GREB1: variants seen among roughly 807,000 people sequenced by gnomAD.
The protein encoded by GREB1 is protein GREB1.
Under a neutral mutation model 200.7 loss-of-function variants are expected in GREB1, and 106 were observed. The observed-to-expected ratio is 0.53, with a 90% CI of 0.45 to 0.62. The LOEUF (loss-of-function observed/expected upper bound fraction) is 0.62. Among genes scored for constraint, GREB1 ranks in the 20% least tolerant of loss-of-function variants. The probability of loss-of-function intolerance (pLI) is 0.00; values close to 1 mark genes in which losing one functional copy is unlikely to be tolerated. For missense variants in GREB1, 2,243 were observed against 2,556.8 expected (o/e 0.88, Z 2.65); for synonymous variants, 1,132 against 1,092.4 (o/e 1.04, Z -0.72).
At chr2:11,578,508 C>T in intron 6 of GREB1, 77 bp downstream of exon 6, 5 of 1,457,124 alleles carry the variant, frequency 3.4e-6, no homozygotes, top group South Asian at 2.5e-5. Context: ...GTTGACTATG[C>T]CGTCAAGCAT....
Position 11,557,497 on chromosome 2 carries a change from C to T in GREB1, c.157+726C>T, listed in dbSNP as rs58921396. ...ACAAAAATTAATAAACTAGAATTAA[C>T]GAAGAAAGCACTGAGTGAGCCAGGT... is the stretch of plus-strand genomic sequence containing the variant. On this transcript the variant is annotated intron_variant, in intron 2 of 32. Coordinates refer to ENST00000381486, the MANE Select transcript of GREB1 (RefSeq NM_014668.4). Among the ~76,000 whole-genome samples the T allele has an allele frequency of 3.1e-3, 468 of 152,222 alleles. 1 individual carries two copies. Among genetic ancestry groups the T allele is most frequent in the Admixed American group, 7.3e-3 (112 of 15,284 alleles).
At chr2:11,547,945 G>A (rs907509054) in intron 1 of GREB1, among the ~76,000 whole-genome samples, 27 of 152,162 alleles carry the variant, frequency 1.8e-4, no homozygotes, top group African/African-American at 4.8e-4. Context: ...GCTTTGGGAG[G>A]CCGAGGCGGT....
intron 1 of GREB1, among the ~76,000 whole-genome samples, chr2:11,525,557 T>G (rs577980011): frequency 1.3e-5 from 2 of 151,920 alleles, no homozygotes; most frequent in East Asian, 3.9e-4. Flanking sequence ...GCCTGTTTCC[T>G]TTTGGAATGA....
intron 16 of GREB1, among the ~76,000 whole-genome samples, chr2:11,601,733 G>A (rs116508152): frequency 0.026 from 3,921 of 152,266 alleles, 171 homozygotes; most frequent in African/African-American, 0.088. Context: ...AAAGTGCTTC[G>A]TGCTGTGAGC....
chr2:11,548,259 C>T lies in GREB1; in HGVS notation c.-161-8195C>T, dbSNP rs1572652733. 2.1e-5 allele frequency among the ~76,000 whole-genome samples: 3 copies of T among 142,642 alleles called. No homozygotes were observed. In the East Asian group the frequency reaches 6.1e-4, roughly 29 times the overall value. The allele number at this position is 142,642 out of a possible 152,430, so 93.6% of individuals were successfully genotyped here. On this transcript the variant is annotated intron_variant, in intron 1 of 32. Transcript: ENST00000381486. This position sits in a 1 kb window ranked among gnomAD's most constrained non-coding sequence, Gnocchi z 5.1. ...ATGTGCACATACCCAAACATATGTG[C>T]ACACACATGTACAGCCAGACACATG...
In GREB1 at chr2:11,616,709, C is replaced by T; in HGVS notation, c.3401C>T (p.Ser1134Phe). Residue 1134 changes from serine (S) to phenylalanine (F), a missense_variant, in exon 21 of 33, where the codon TCC becomes TTC. Physicochemically the swap from Ser to Phe is radical, Grantham distance 155 (BLOSUM62 -2). Around this residue, in one of 3 missense-constraint regions of GREB1, gnomAD observed 587 missense variants for 553.1 expected, o/e 1.06. Transcript: ENST00000381486. ...GACTCAGCATCCTCATCCCTCTCCT[C>T]CAAGGCTTCCGGTGAGTCTTCCCAC... ...SHDSASSSLS[S>F]KASGSALGGE... The T allele has an allele frequency of 6.2e-7, 1 of 1,606,650 alleles. No individual in the cohort carries two copies. Among genetic ancestry groups the T allele is most frequent in the Non-Finnish European group, 8.5e-7 (1 of 1,173,190 alleles).
intron 19 of GREB1, 137 bp downstream of exon 19, chr2:11,612,747 C>G (rs1037800704): frequency 1.7e-6 from 1 of 596,102 alleles, no homozygotes; most frequent in Non-Finnish European, 3.0e-6. Flanking sequence ...TGGGTGGGGC[C>G]TTCATCGTGG....
intron 1 of GREB1, among the ~76,000 whole-genome samples, chr2:11,551,824 C>A (rs1321808861): frequency 1.3e-5 from 2 of 152,202 alleles, no homozygotes; most frequent in African/African-American, 2.4e-5. Context: ...ACTCAGCCCT[C>A]CTGGCCTGCT....
chr2:11,491,879 TTC>T (rs1672780861), intron 1 of GREB1, among the ~76,000 whole-genome samples: 1 of 152,192 alleles, frequency 6.6e-6, no homozygotes, highest in Non-Finnish European at 1.5e-5. Flanking sequence ...TAATGCTTGG[TTC>T]TCTGTGCTCA....
At chr2:11,545,199 G>A (rs1243596691) in intron 1 of GREB1, among the ~76,000 whole-genome samples, 2 of 151,500 alleles carry the variant, frequency 1.3e-5, no homozygotes, top group East Asian at 3.9e-4. Context: ...GCAATGGCAC[G>A]ATCTCGCTCA....
chr2:11,573,573 G>A (rs896553880), intron 4 of GREB1, among the ~76,000 whole-genome samples: 5 of 152,062 alleles, frequency 3.3e-5, no homozygotes, highest in African/African-American at 7.2e-5. Flanking sequence ...TGGCATTTCC[G>A]GTCTCTCCCA....
At chr2:11,574,559 C>T (rs1678647678) in intron 4 of GREB1, among the ~76,000 whole-genome samples, 1 of 152,082 alleles carries the variant, frequency 6.6e-6, no homozygotes, top group African/African-American at 2.4e-5. Flanking sequence ...AGAGGAAGGA[C>T]AGGAATAAAG....
Position 11,631,969 on chromosome 2 carries a change from C to T in GREB1, c.4672C>T (p.Leu1558Phe). 1.2e-6 allele frequency: 2 copies of T among 1,614,106 alleles called. No individual in the cohort carries two copies. Among genetic ancestry groups the T allele is most frequent in the Non-Finnish European group, 1.7e-6 (2 of 1,179,986 alleles). ...TPTTGRHEHGLFNLYHAMDGA... is the reference protein window; with the variant it reads ...TPTTGRHEHGFFNLYHAMDGA... ...AACCACCGGCCGTCACGAACATGGGCTCTTTAATCTGTACCACGCAATGGA... is the reference window on the plus strand; with the variant it reads ...AACCACCGGCCGTCACGAACATGGGTTCTTTAATCTGTACCACGCAATGGA... Residue 1558 changes from leucine (L) to phenylalanine (F), a missense_variant, in exon 27 of 33, where the codon CTC becomes TTC. Around this residue, in one of 3 missense-constraint regions of GREB1, gnomAD observed 478 missense variants for 616.3 expected, o/e 0.78. Coordinates refer to ENST00000381486, the MANE Select transcript of GREB1 (RefSeq NM_014668.4).
chr2:11,634,078 C>G (rs1004398711), intron 28 of GREB1, 53 bp from the exon 29 acceptor site: 1 of 1,542,900 alleles, frequency 6.5e-7, no homozygotes, highest in Non-Finnish European at 9.0e-7. Flanking sequence ...TCCCAAGGAC[C>G]TTGCTGCTGC....
intron 1 of GREB1, among the ~76,000 whole-genome samples, chr2:11,483,684 AG>A (rs1491261878): frequency 9.5e-6 from 1 of 104,976 alleles, no homozygotes; most frequent in East Asian, 2.9e-4. Flanking sequence ...AAGTACAAGA[AG>A]GGGTGTGTGT....
At chr2:11,541,087 G>A (rs1169512907) in intron 1 of GREB1, among the ~76,000 whole-genome samples, 9 of 152,340 alleles carry the variant, frequency 5.9e-5, no homozygotes, top group Middle Eastern at 6.8e-3. Context: ...GGGTGTTCTA[G>A]TGAGATTTGG....
At chr2:11,511,868 C>G (rs188330400) in intron 1 of GREB1, among the ~76,000 whole-genome samples, 1 of 152,130 alleles carries the variant, frequency 6.6e-6, no homozygotes, top group Admixed American at 6.5e-5. Flanking sequence ...TGACACACCT[C>G]GGATGCCTGG....
At chr2:11,554,208 T>C (rs911752899) in intron 1 of GREB1, among the ~76,000 whole-genome samples, 1 of 152,198 alleles carries the variant, frequency 6.6e-6, no homozygotes. Context: ...TTTCTTTTTG[T>C]TGGGGCTAAT....
At chr2:11,612,386 T>C in intron 18 of GREB1, 109 bp from the exon 19 acceptor site, 7 of 1,452,024 alleles carry the variant, frequency 4.8e-6, no homozygotes, top group Non-Finnish European at 6.4e-6. Context: ...GGTCAGAAGA[T>C]ATAGTTCAAG....
Sources: allele counts gnomAD v4.1 joint callset (sites outside exome capture counted in the v4.1 genomes callset), GRCh38; gene constraint gnomAD v4.1.1; regional missense constraint gnomAD v4.1.1; non-coding constraint Gnocchi (gnomAD v3.1); transcripts MANE v1.5; gene names NCBI Gene and HGNC (gene_info 2026-07-23, HGNC 2026-07-21).